The following GALNT18 variants were observed in gnomAD, a reference collection of about 807,000 sequenced individuals.
The protein encoded by GALNT18 is GalNAc-transferase 18.
GALNT18 carries 44 observed loss-of-function variants against 69.5 expected under a neutral mutation model. The observed-to-expected ratio is 0.63, with a 90% confidence interval of 0.50 to 0.81. GALNT18 has a LOEUF of 0.81. GALNT18 is among the 40% of genes least tolerant of loss of function. GALNT18 has a pLI of 0.00. For synonymous variants in GALNT18, 364 were observed against 318.2 expected (o/e 1.14, Z -1.53); for missense variants, 715 against 810.0 (o/e 0.88, Z 1.42).
chr11:11,327,695 T>C (rs1849948370), intron 8 of GALNT18, among the ~76,000 whole-genome samples: 1 of 152,070 alleles, frequency 6.6e-6, no homozygotes, highest in African/African-American at 2.4e-5. Context: ...GATGGGAGAA[T>C]AAGAGAGGAG....
intron 8 of GALNT18, among the ~76,000 whole-genome samples, chr11:11,330,559 G>A (rs1346036959): frequency 6.6e-6 from 1 of 152,176 alleles, no homozygotes; most frequent in Non-Finnish European, 1.5e-5. Flanking sequence ...TAGGGGGTCA[G>A]AGCCCTCTGC....
In GALNT18 at chr11:11,271,219, G is replaced by A. The variant is rs1441483289; in HGVS notation, c.1749C>T (p.Gly583=). 6.2e-7 allele frequency: 1 copy of A among 1,614,126 alleles called. No individual in the cohort carries two copies. The highest frequency in any genetic ancestry group is 8.5e-7 in the Non-Finnish European group (1 of 1,180,004). The change falls in exon 11 of 11, where the codon GGC becomes GGT. Residue 583 remains glycine, a synonymous_variant. Transcript: ENST00000227756. ...AGCACTTCTGCAACACCAGCTGGAA[G>A]CCGAACTCCAGGTCGCTATTCTCCT... ...ELQENSDLEF[G]FQLVLQKCSG...
At position 11,551,693 on chromosome 11, in the gene GALNT18, C is replaced by T. The variant is rs115839117; in HGVS notation, c.235+69666G>A. The stretch of plus-strand genomic sequence containing the variant: ...AACTTTAGAAAGGAAAATTGTCTCA[C>T]GCTTCCATGTGAAGAGACCACCAAA... On this transcript the variant is annotated intron_variant, in intron 1 of 10. Transcript: ENST00000227756. Among the ~76,000 whole-genome samples, 729 of 152,314 alleles carry T rather than the reference C, an allele frequency of 4.8e-3. 6 individuals are homozygous for T. Among genetic ancestry groups the T allele is most frequent in the African/African-American group, 0.017 (690 of 41,568 alleles).
intron 1 of GALNT18, among the ~76,000 whole-genome samples, chr11:11,510,188 T>C (rs1381093446): frequency 1.3e-5 from 2 of 152,128 alleles, no homozygotes; most frequent in Admixed American, 6.5e-5. Context: ...GCACCCAAGA[T>C]TCACACAAGG....
chr11:11,517,047 G>C (rs1857292841), intron 1 of GALNT18, among the ~76,000 whole-genome samples: 1 of 152,206 alleles, frequency 6.6e-6, no homozygotes, highest in Non-Finnish European at 1.5e-5. Context: ...GAGCTCTCTT[G>C]TCCCTTCAGC....
chr11:11,528,968 C>A (rs1368242083), intron 1 of GALNT18, among the ~76,000 whole-genome samples: 1 of 152,224 alleles, frequency 6.6e-6, no homozygotes, highest in African/African-American at 2.4e-5. Context: ...CATTCTGCTA[C>A]TATGAGAGGC....
Position 11,372,091 on chromosome 11 carries a change from G to A in GALNT18, c.1092+424C>T, listed in dbSNP as rs1850921394. ...TGGGCTATCTCTTAACAAAGTCTTT[G>A]GGAATGTTCTATGGGCCACTGTGGA... On this transcript the variant is annotated intron_variant, in intron 6 of 10. Coordinates refer to ENST00000227756, the MANE Select transcript of GALNT18 (RefSeq NM_198516.3). The surrounding 1 kb of genome is among the most constrained non-coding windows in gnomAD (Gnocchi z 4.9). 1.3e-5 allele frequency among the ~76,000 whole-genome samples: 2 copies of A among 152,156 alleles called. No homozygotes were observed. Among genetic ancestry groups the A allele is most frequent in the South Asian group, 4.1e-4 (2 of 4,820 alleles).
intron 10 of GALNT18, among the ~76,000 whole-genome samples, chr11:11,276,492 C>CCT (rs575681734): frequency 2.0e-5 from 3 of 152,134 alleles, no homozygotes; most frequent in African/African-American, 7.2e-5. Flanking sequence ...AATTTGACTT[C>CCT]CTCTCTCTCT....
At chr11:11,452,578 T>G (rs1257726688) in intron 1 of GALNT18, among the ~76,000 whole-genome samples, 2 of 152,188 alleles carry the variant, frequency 1.3e-5, no homozygotes, top group Non-Finnish European at 2.9e-5. Context: ...AAGTGGTCTA[T>G]GCTTAACCAG....
chr11:11,433,709 G>A (rs1855329925), intron 2 of GALNT18, among the ~76,000 whole-genome samples: 1 of 152,228 alleles, frequency 6.6e-6, no homozygotes, highest in Admixed American at 6.5e-5. Context: ...CCTGAGGGTA[G>A]TTCCCTCCTC....
Position 11,463,512 on chromosome 11 carries a change from AG to A in GALNT18, c.236-14577del, listed in dbSNP as rs1856091390. On this transcript the variant is annotated intron_variant, in intron 1 of 10. Transcript: ENST00000227756. This position sits in a 1 kb window ranked among gnomAD's most constrained non-coding sequence, Gnocchi z 4.2. ...GAGGTCTGCTTACACGTCCCCTGGG[AG>A]CCCTAGCTGTTGTGGCCCCAGGGCT... Among the ~76,000 whole-genome samples, 2 of 152,316 alleles carry A rather than the reference AG, an allele frequency of 1.3e-5. No individual in the cohort carries two copies. The highest frequency in any genetic ancestry group is 4.1e-4 in the South Asian group (2 of 4,824).
chr11:11,555,565 C>T lies in GALNT18; in HGVS notation c.235+65794G>A, dbSNP rs1024172009. ...GGCTTTAGACTTCTAATCTCCAGAA[C>T]TATGAGAGAATAAATTCCTGTTGTT... On this transcript the variant is annotated intron_variant, in intron 1 of 10. Coordinates refer to ENST00000227756, the MANE Select transcript of GALNT18 (RefSeq NM_198516.3). The surrounding 1 kb of genome is among the most constrained non-coding windows in gnomAD (Gnocchi z 4.7). 6.6e-6 allele frequency among the ~76,000 whole-genome samples: 1 copy of T among 152,214 alleles called. No individual in the cohort carries two copies.
rs539630008 is a variant in GALNT18 at position 11,596,317 on chromosome 11, T to A, written c.235+25042A>T. On this transcript the variant is annotated intron_variant, in intron 1 of 10. Coordinates refer to ENST00000227756, the MANE Select transcript of GALNT18 (RefSeq NM_198516.3). The surrounding 1 kb of genome is among the most constrained non-coding windows in gnomAD (Gnocchi z 4.2). ...ACAGTACATTTTCAGATCAAAAAAA[T>A]GTGAGTTGTCCATTTTGTTTTTGTT... Among the ~76,000 whole-genome samples the A allele has an allele frequency of 1.3e-4, 20 of 152,306 alleles. No individual in the cohort carries two copies. Among genetic ancestry groups the A allele is most frequent in the African/African-American group, 4.8e-4 (20 of 41,570 alleles).
chr11:11,300,828 AGGGACT>A (rs1849481811), intron 9 of GALNT18, among the ~76,000 whole-genome samples: 1 of 152,222 alleles, frequency 6.6e-6, no homozygotes, highest in Non-Finnish European at 1.5e-5. Flanking sequence ...CCACAGTCTC[AGGGACT>A]GGGGCCTGGG....
intron 9 of GALNT18, among the ~76,000 whole-genome samples, chr11:11,307,183 A>C (rs1180651975): frequency 1.3e-5 from 2 of 151,370 alleles, no homozygotes; most frequent in African/African-American, 4.9e-5. Flanking sequence ...AAAAAAATGG[A>C]TGTGTCTCAG....
intron 1 of GALNT18, among the ~76,000 whole-genome samples, chr11:11,530,973 C>T (rs1203710232): frequency 1.3e-5 from 2 of 152,184 alleles, no homozygotes; most frequent in African/African-American, 4.8e-5. Context: ...AAGAAAAAGG[C>T]ACTCACTGAG....
intron 1 of GALNT18, among the ~76,000 whole-genome samples, chr11:11,490,229 TCTCTAACA>T (rs1437789303): frequency 5.7e-5 from 4 of 70,196 alleles, no homozygotes; most frequent in African/African-American, 1.7e-4. Flanking sequence ...TCTCTCTCTC[TCTCTAACA>T]CACACACACA....
intron 10 of GALNT18, among the ~76,000 whole-genome samples, chr11:11,272,100 G>A (rs978127439): frequency 1.3e-5 from 2 of 152,144 alleles, no homozygotes; most frequent in Non-Finnish European, 2.9e-5. Context: ...GTGGGTGGAG[G>A]TTCTTATAAT....
At position 11,430,605 on chromosome 11, in the gene GALNT18, C is replaced by T. The variant is rs572008346; in HGVS notation, c.595+2016G>A. ...CGGACTACTGCACCAGGGCATTGCTCCTGCTGCCTGCCTCTTCTGGGGCAA... is the reference window on the plus strand; with the variant it reads ...CGGACTACTGCACCAGGGCATTGCTTCTGCTGCCTGCCTCTTCTGGGGCAA... On this transcript the variant is annotated intron_variant, in intron 3 of 10. Transcript: ENST00000227756. The surrounding 1 kb of genome is among the most constrained non-coding windows in gnomAD (Gnocchi z 4.9). 7.2e-5 allele frequency among the ~76,000 whole-genome samples: 11 copies of T among 152,220 alleles called. No homozygotes were observed. The highest frequency in any genetic ancestry group is 1.6e-4 in the Non-Finnish European group (11 of 68,038).
Sources: gnomAD v4.1 joint callset for allele counts (sites outside exome capture counted in the v4.1 genomes callset) on GRCh38, gnomAD v4.1.1 for gene constraint, Gnocchi (gnomAD v3.1) non-coding constraint, MANE v1.5 for transcripts, NCBI Gene and HGNC (gene_info 2026-07-23, HGNC 2026-07-21) for gene names.